Variants in MYO5A observed in about 807,000 individuals in gnomAD.
The protein encoded by MYO5A is myosin VA.
MYO5A carries 98 observed loss-of-function variants against 249.7 expected under a neutral mutation model. The observed-to-expected ratio is 0.39, with a 90% CI of 0.33 to 0.46. The LOEUF is 0.46. Among genes scored for constraint, MYO5A ranks in the 20% least tolerant of loss-of-function variants. The pLI is 0.98. For synonymous variants in MYO5A, 778 were observed against 810.6 expected, an observed-to-expected ratio of 0.96 and a Z score of 0.68; for missense variants, 1,696 against 2,308.8, an observed-to-expected ratio of 0.73 and a Z score of 5.44.
intron 1 of MYO5A, among the ~76,000 whole-genome samples, chr15:52,526,581 G>A (rs1053590402): frequency 2.0e-5 from 3 of 152,104 alleles, no homozygotes; most frequent in South Asian, 2.1e-4. Context: ...AGATGGTCTC[G>A]AACTCCTGAC....
intron 1 of MYO5A, among the ~76,000 whole-genome samples, chr15:52,452,159 A>G (rs1295848694): frequency 6.6e-6 from 1 of 152,140 alleles, no homozygotes; most frequent in African/African-American, 2.4e-5. Context: ...ACAAAAATAT[A>G]ATGCCAAGAT....
intron 28 of MYO5A, among the ~76,000 whole-genome samples, chr15:52,350,787 T>G (rs532840915): frequency 5.9e-5 from 9 of 152,298 alleles, no homozygotes; most frequent in African/African-American, 2.2e-4. Flanking sequence ...TAAACAGAAC[T>G]GCCTAAAGTG....
intron 9 of MYO5A, among the ~76,000 whole-genome samples, chr15:52,402,939 A>G (rs2042827611): frequency 6.6e-6 from 1 of 152,244 alleles, no homozygotes; most frequent in African/African-American, 2.4e-5. Flanking sequence ...TGTAGTACTT[A>G]TAGCTATCAT....
intron 25 of MYO5A, among the ~76,000 whole-genome samples, chr15:52,356,800 CTTT>C (rs11316458): frequency 1.9e-4 from 20 of 105,806 alleles, no homozygotes; most frequent in Non-Finnish European, 2.9e-4. Context: ...ATTTCTTTGA[CTTT>C]TTTTTTTTTT....
Position 52,360,912 on chromosome 15 carries a change from C to T in MYO5A, c.3310-831G>A, listed in dbSNP as rs150366614. ...CCAGTGGCTTAATCTTGCAGTGTTA[C>T]AGTCCTGAGGGCTTCACAAAGGCCT... On this transcript the variant is annotated intron_variant, in intron 24 of 41. Coordinates refer to ENST00000399233, the MANE Select transcript of MYO5A (RefSeq NM_001382347.1). 5.7e-3 allele frequency among the ~76,000 whole-genome samples: 869 copies of T among 152,300 alleles called. 10 individuals carry two copies. The highest frequency in any genetic ancestry group is 0.02 in the African/African-American group (832 of 41,560).
At chr15:52,508,553 C>A (rs1290199995) in intron 1 of MYO5A, among the ~76,000 whole-genome samples, 1 of 152,152 alleles carries the variant, frequency 6.6e-6, no homozygotes, top group Non-Finnish European at 1.5e-5. Flanking sequence ...ACCTCCATAG[C>A]ACACTGGCCA....
Position 52,343,144 on chromosome 15 carries a change from A to G in MYO5A, c.4013T>C (p.Val1338Ala), listed in dbSNP as rs78613452. Residue 1338 changes from valine (V) to alanine (A), a missense_variant, in exon 31 of 42, where the codon GTT becomes GCT. Transcript: ENST00000399233. ...ELNEDGELWL[V>A]YEGLKQANRL... ...GTTGGCTTGTTTTAACCCTTCATAA[A>G]CCAGCCACAGCTCTCCATCCTCATT... The G allele has an allele frequency of 1.9e-6, 3 of 1,612,760 alleles. No individual in the cohort carries two copies. Among genetic ancestry groups the G allele is most frequent in the Non-Finnish European group, 2.5e-6 (3 of 1,179,634 alleles).
intron 34 of MYO5A, chr15:52,331,839 A>C (rs2038902932): frequency 2.0e-6 from 2 of 985,292 alleles, no homozygotes; most frequent in Non-Finnish European, 2.4e-6. Flanking sequence ...TATGATATCT[A>C]AAGAGTGGTC....
chr15:52,370,068 C>A, intron 22 of MYO5A, 101 bp downstream of exon 22: 1 of 1,473,366 alleles, frequency 6.8e-7, no homozygotes. Flanking sequence ...ATTTGTACTG[C>A]ATTTCTAATA....
At chr15:52,469,799 G>A (rs563966257) in intron 1 of MYO5A, among the ~76,000 whole-genome samples, 4 of 152,230 alleles carry the variant, frequency 2.6e-5, no homozygotes, top group Non-Finnish European at 5.9e-5. Flanking sequence ...TCCTGACACT[G>A]CTACTTCTGT....
chr15:52,337,924 G>A (rs1332958960), intron 32 of MYO5A, 40 bp from the exon 33 acceptor site: 2 of 1,351,708 alleles, frequency 1.5e-6, no homozygotes. Flanking sequence ...TTTTGTCTGT[G>A]TGTTTGAGGG....
chr15:52,448,972 T>C (rs2075958252), intron 1 of MYO5A, among the ~76,000 whole-genome samples: 2 of 130,950 alleles, frequency 1.5e-5, no homozygotes, highest in East Asian at 2.2e-4. Context: ...TTTTTTTTTT[T>C]TTTTTTTTTT....
chr15:52,444,429 T>G (rs1460966000), intron 1 of MYO5A, among the ~76,000 whole-genome samples: 2 of 152,192 alleles, frequency 1.3e-5, no homozygotes, highest in Non-Finnish European at 2.9e-5. Flanking sequence ...CTAACTTTAC[T>G]TAACCTCATA....
At chr15:52,363,344 G>A (rs1255218607) in intron 24 of MYO5A, among the ~76,000 whole-genome samples, 1 of 152,200 alleles carries the variant, frequency 6.6e-6, no homozygotes, top group African/African-American at 2.4e-5. Flanking sequence ...CTTTAGATTT[G>A]TCAATTATAA....
chr15:52,392,041 A>G lies in MYO5A; in HGVS notation c.1431T>C (p.Tyr477=). The change falls in exon 12 of 42, where the codon TAT becomes TAC. Residue 477 remains tyrosine (Y), a synonymous_variant. Coordinates refer to ENST00000399233, the MANE Select transcript of MYO5A (RefSeq NM_001382347.1). ...MHVFKLEQEE[Y]MKEQIPWTLI... is the part of the protein sequence containing the mutation. ...GTGTCCATGGAATTTGTTCCTTCATATATTCTTCTTGCTCCAATTTGAAGA... is the reference window on the plus strand; with the variant it reads ...GTGTCCATGGAATTTGTTCCTTCATGTATTCTTCTTGCTCCAATTTGAAGA... 1 of 1,612,118 alleles carries G rather than the reference A, an allele frequency of 6.2e-7. No homozygotes were observed.
At chr15:52,441,492 A>T (rs984768430) in intron 1 of MYO5A, among the ~76,000 whole-genome samples, 3 of 152,146 alleles carry the variant, frequency 2.0e-5, no homozygotes, top group African/African-American at 7.2e-5. Context: ...ACCAATTTTC[A>T]CTTGCCACTT....
At chr15:52,431,248 T>TAAAAAAAAAAAAAAAAA (rs2075528294) in intron 2 of MYO5A, among the ~76,000 whole-genome samples, 2 of 8,862 alleles carry the variant, frequency 2.3e-4, no homozygotes, top group African/African-American at 5.4e-4. Context: ...AAAAAAAAAG[T>TAAAAAAAAAAAAAAAAA]CTAGTGCAGT....
chr15:52,471,760 G>A (rs964748410), intron 1 of MYO5A, among the ~76,000 whole-genome samples: 1 of 152,146 alleles, frequency 6.6e-6, no homozygotes, highest in South Asian at 2.1e-4. Context: ...ATGCAGTGGT[G>A]CATTCATGGC....
intron 1 of MYO5A, chr15:52,505,916 AAT>A (rs1491444421): frequency 1.0e-4 from 155 of 1,497,732 alleles, no homozygotes; most frequent in Non-Finnish European, 1.2e-4. Flanking sequence ...TTAAAAAAAA[AAT>A]TTTTCAGACT....
Sources: allele counts gnomAD v4.1 joint callset (sites outside exome capture counted in the v4.1 genomes callset), GRCh38; gene constraint gnomAD v4.1.1; transcripts MANE v1.5; gene names NCBI Gene and HGNC (gene_info 2026-07-23, HGNC 2026-07-21).